LMO3: variants seen among roughly 807,000 people sequenced by gnomAD.
LMO3 encodes the protein LIM domain only 3.
A neutral mutation model predicts 15.8 loss-of-function variants in LMO3; 2 were observed. That is an observed-to-expected ratio of 0.13 (90% confidence interval 0.05 to 0.40). The LOEUF is 0.40. Among genes scored for constraint, LMO3 ranks in the 10% least tolerant of loss-of-function variants. The pLI, the probability that LMO3 is intolerant of heterozygous loss-of-function variation, is 0.99. For synonymous variants in LMO3, 62 were observed against 63.8 expected (o/e 0.97, Z 0.13); for missense variants, 86 against 182.2 (o/e 0.47, Z 3.04).
Position 16,603,664 on chromosome 12 carries a change from G to C in LMO3, c.-9+2402C>G, listed in dbSNP as rs1052694487. 2.6e-5 allele frequency among the ~76,000 whole-genome samples: 4 copies of C among 152,160 alleles called. No individual in the cohort carries two copies. Among genetic ancestry groups the C allele is most frequent in the Non-Finnish European group, 2.9e-5 (2 of 68,014 alleles). On this transcript the variant is annotated intron_variant, in intron 1 of 3. Transcript: ENST00000537304. The surrounding 1 kb of genome is among the most constrained non-coding windows in gnomAD (Gnocchi z 4.9). ...GCAGTGTGGTGTGCAGAAATAAGTA[G>C]AACCATTTCATTTAAACTCTGGTGA... is the stretch of plus-strand genomic sequence containing the variant.
chr12:16,567,906 G>A (rs1942672450), intron 2 of LMO3, among the ~76,000 whole-genome samples: 1 of 152,174 alleles, frequency 6.6e-6, no homozygotes, highest in African/African-American at 2.4e-5. Context: ...CCAACCACTA[G>A]TTGGACTTAC....
At position 16,604,456 on chromosome 12, in the gene LMO3, TA is replaced by T; in HGVS notation, c.-9+1609del. The T allele has an allele frequency of 5.7e-6, 1 of 176,310 alleles. No individual in the cohort carries two copies. Among genetic ancestry groups the T allele is most frequent in the East Asian group, 1.5e-4 (1 of 6,500 alleles). The allele number at this position is 176,310 out of a possible 1,614,324, so 10.9% of individuals were successfully genotyped here. A position where few individuals can be genotyped will look rare whatever the true frequency, so the allele number is the denominator to read the frequency against. On this transcript the variant is annotated intron_variant, in intron 1 of 3. Transcript: ENST00000537304. The surrounding 1 kb of genome is among the most constrained non-coding windows in gnomAD (Gnocchi z 5.3). ...AGAGATACTGACATTTTTCCACTCT[TA>T]TCAGTTTAATTACAGTTACCATGGC...
intron 2 of LMO3, among the ~76,000 whole-genome samples, chr12:16,578,818 A>AAACAACAACAACAACAAC (rs201327858): frequency 1.5e-4 from 21 of 141,136 alleles, no homozygotes; most frequent in Middle Eastern, 3.5e-3. Flanking sequence ...ATTCTGTCTC[A>AAACAACAACAACAACAAC]AACAACAACA....
At position 16,587,683 on chromosome 12, in the gene LMO3, A is replaced by G. The variant is rs1943363456; in HGVS notation, c.206+12972T>C. ...GTCAGGAGTGCATTTTAACAGCACGACACAAGTATTTTTCACTACAGGAGA... is the reference window on the plus strand; with the variant it reads ...GTCAGGAGTGCATTTTAACAGCACGGCACAAGTATTTTTCACTACAGGAGA... On this transcript the variant is annotated intron_variant, in intron 2 of 3. Transcript: ENST00000537304. This position sits in a 1 kb window ranked among gnomAD's most constrained non-coding sequence, Gnocchi z 4.3. Among the ~76,000 whole-genome samples, 1 of 152,120 alleles carries G rather than the reference A, an allele frequency of 6.6e-6. No homozygotes were observed. Among genetic ancestry groups the G allele is most frequent in the Non-Finnish European group, 1.5e-5 (1 of 68,008 alleles).
In LMO3 at chr12:16,604,858, A is replaced by G; in HGVS notation, c.-9+1208T>C. ...CAAAGTGCATCTATGATAGACTGTA[A>G]CCTTACCAAAACTTTTCTCCTTTTT... On this transcript the variant is annotated intron_variant, in intron 1 of 3. Transcript: ENST00000537304. The surrounding 1 kb of genome is among the most constrained non-coding windows in gnomAD (Gnocchi z 5.3). 6.3e-7 allele frequency: 1 copy of G among 1,598,428 alleles called. No homozygotes were observed. The highest frequency in any genetic ancestry group is 1.1e-5 in the South Asian group (1 of 91,092).
chr12:16,574,181 G>C (rs1033535527), intron 2 of LMO3, among the ~76,000 whole-genome samples: 1 of 151,952 alleles, frequency 6.6e-6, no homozygotes, highest in African/African-American at 2.4e-5. Context: ...GAAGACAGTA[G>C]GGCTAGAAAT....
Position 16,560,815 on chromosome 12 carries a change from G to A in LMO3, c.207-277C>T. 1.8e-5 allele frequency: 8 copies of A among 442,846 alleles called. No individual in the cohort carries two copies. Among genetic ancestry groups the A allele is most frequent in the South Asian group, 9.7e-5 (5 of 51,324 alleles). The allele number at this position is 442,846 out of a possible 1,614,324, so 27.4% of individuals were successfully genotyped here. A position where few individuals can be genotyped will look rare whatever the true frequency, so the allele number is the denominator to read the frequency against. On this transcript the variant is annotated intron_variant, in intron 2 of 3. Coordinates refer to ENST00000537304, the MANE Select transcript of LMO3 (RefSeq NM_018640.5). This position sits in a 1 kb window ranked among gnomAD's most constrained non-coding sequence, Gnocchi z 5.0. ...CTGCACATAAACAGAAGTCAATGGG[G>A]GTGAATTCATAGCAAAAATCTCTGG...
intron 2 of LMO3, among the ~76,000 whole-genome samples, chr12:16,564,460 G>C (rs374258114): frequency 2.0e-5 from 3 of 152,304 alleles, no homozygotes; most frequent in East Asian, 1.9e-4. Context: ...CTGCGGACTG[G>C]GGGTAGGGAA....
At position 16,582,170 on chromosome 12, in the gene LMO3, CTCTT is replaced by C. The variant is rs1266488062; in HGVS notation, c.206+18481_206+18484del. Among the ~76,000 whole-genome samples, 7 of 152,064 alleles carry C rather than the reference CTCTT, an allele frequency of 4.6e-5. No individual in the cohort carries two copies. The highest frequency in any genetic ancestry group is 1.0e-4 in the Non-Finnish European group (7 of 67,994). Reference sequence around the variant, plus strand: ...ATATTTAACTGGTTTCTTCCTGTTTCTCTTTATTTGGAAGTTTTGAAATGGCTGA... The same window carrying C: ...ATATTTAACTGGTTTCTTCCTGTTTCTATTTGGAAGTTTTGAAATGGCTGA... On this transcript the variant is annotated intron_variant, in intron 2 of 3. Transcript: ENST00000537304. The surrounding 1 kb of genome is among the most constrained non-coding windows in gnomAD (Gnocchi z 4.1).
At chr12:16,565,876 G>A (rs1198852405) in intron 2 of LMO3, among the ~76,000 whole-genome samples, 2 of 150,162 alleles carry the variant, frequency 1.3e-5, no homozygotes, top group Non-Finnish European at 3.0e-5. Flanking sequence ...TCAGTATGTT[G>A]AAGAGATATC....
chr12:16,563,713 T>A (rs1030820197), intron 2 of LMO3, among the ~76,000 whole-genome samples: 2 of 152,172 alleles, frequency 1.3e-5, no homozygotes, highest in Non-Finnish European at 2.9e-5. Context: ...ATCCTCTAGA[T>A]AAGAGGGCCT....
chr12:16,601,591 G>A (rs568161319), intron 1 of LMO3, among the ~76,000 whole-genome samples: 7 of 151,946 alleles, frequency 4.6e-5, no homozygotes, highest in Non-Finnish European at 8.8e-5. Context: ...TAAACCTAAA[G>A]TATATGATTA....
chr12:16,584,832 CA>C lies in LMO3; in HGVS notation c.206+15822del, dbSNP rs1943267822. The stretch of plus-strand genomic sequence containing the variant: ...CTGAAGCAGGAGTGTAACTGGTATA[CA>C]TTGGATGAAGGGCTCTGATCCTCTC... On this transcript the variant is annotated intron_variant, in intron 2 of 3. Coordinates refer to ENST00000537304, the MANE Select transcript of LMO3 (RefSeq NM_018640.5). This position sits in a 1 kb window ranked among gnomAD's most constrained non-coding sequence, Gnocchi z 5.2. 6.6e-6 allele frequency among the ~76,000 whole-genome samples: 1 copy of C among 152,156 alleles called. No homozygotes were observed. Among genetic ancestry groups the C allele is most frequent in the Non-Finnish European group, 1.5e-5 (1 of 68,022 alleles).
chr12:16,551,230 C>G lies in LMO3; in HGVS notation c.430G>C (p.Val144Leu), dbSNP rs2137243831. The change falls in exon 4 of 4, where the codon GTT becomes CTT. Residue 144 changes from valine (V) to leucine (L), a missense_variant. Coordinates refer to ENST00000537304, the MANE Select transcript of LMO3 (RefSeq NM_018640.5). Reference protein sequence around the residue: ...GLMKEGYAPQVR With the variant: ...GLMKEGYAPQLR ...GGGGTGATGTTGATAGATCAGCGAA[C>G]CTGGGGTGCATAACCTTCTTTCATT... is the stretch of plus-strand genomic sequence containing the variant. 1 of 1,599,208 alleles carries G rather than the reference C, an allele frequency of 6.3e-7. No individual in the cohort carries two copies. The highest frequency in any genetic ancestry group is 2.2e-5 in the East Asian group (1 of 44,786).
chr12:16,564,172 A>AAAATC, intron 2 of LMO3, among the ~76,000 whole-genome samples: 1 of 152,332 alleles, frequency 6.6e-6, no homozygotes, highest in South Asian at 2.1e-4. Context: ...CATGAATATA[A>AAAATC]AAATCAAACA....
At chr12:16,571,043 T>C (rs1385380547) in intron 2 of LMO3, among the ~76,000 whole-genome samples, 1 of 152,064 alleles carries the variant, frequency 6.6e-6, no homozygotes, top group African/African-American at 2.4e-5. Flanking sequence ...TAATAATAAA[T>C]TTTAAAAAAA....
intron 2 of LMO3, among the ~76,000 whole-genome samples, chr12:16,580,484 T>C (rs144410909): frequency 6.6e-6 from 1 of 152,310 alleles, no homozygotes; most frequent in African/African-American, 2.4e-5. Context: ...CCATCAGATG[T>C]AAAGTGAAAT....
intron 2 of LMO3, among the ~76,000 whole-genome samples, chr12:16,583,167 G>A (rs1456188258): frequency 3.3e-5 from 5 of 152,030 alleles, no homozygotes; most frequent in East Asian, 1.9e-4. Context: ...AGATGATCCC[G>A]GATAAAATGC....
At position 16,587,459 on chromosome 12, in the gene LMO3, AT is replaced by A. The variant is rs371441291; in HGVS notation, c.206+13195del. 1.3e-5 allele frequency among the ~76,000 whole-genome samples: 2 copies of A among 151,508 alleles called. No individual in the cohort carries two copies. The highest frequency in any genetic ancestry group is 2.9e-5 in the Non-Finnish European group (2 of 67,856). ...CTAGAGAGCAAGGAATTCAAGTTCG[AT>A]TTTTTTTTCTTTTACTTTGCCTACT... On this transcript the variant is annotated intron_variant, in intron 2 of 3. Coordinates refer to ENST00000537304, the MANE Select transcript of LMO3 (RefSeq NM_018640.5). The surrounding 1 kb of genome is among the most constrained non-coding windows in gnomAD (Gnocchi z 4.3).
Sources: allele counts gnomAD v4.1 joint callset (sites outside exome capture counted in the v4.1 genomes callset), GRCh38; gene constraint gnomAD v4.1.1; non-coding constraint Gnocchi (gnomAD v3.1); transcripts MANE v1.5; gene names NCBI Gene and HGNC (gene_info 2026-07-23, HGNC 2026-07-21).